Variants in PCDH9 observed in about 807,000 individuals in gnomAD.
PCDH9 encodes the protein protocadherin-9.
In PCDH9, 24 loss-of-function variants were observed where a neutral mutation model predicts 70.6. That is an observed-to-expected ratio of 0.34 (90% CI 0.25 to 0.48). The LOEUF (loss-of-function observed/expected upper bound fraction) is 0.48, where lower values mean the gene tolerates loss of function less well. Among genes scored for constraint, PCDH9 ranks in the 20% least tolerant of loss-of-function variants. PCDH9 has a pLI of 0.99. For synonymous variants in PCDH9, 562 were observed against 558.5 expected (o/e 1.01, Z -0.09); for missense variants, 1,281 against 1,503.6 (o/e 0.85, Z 2.45).
intron 3 of PCDH9, among the ~76,000 whole-genome samples, chr13:66,896,719 T>C (rs1334921675): frequency 6.6e-6 from 1 of 152,188 alleles, no homozygotes; most frequent in Non-Finnish European, 1.5e-5. Context: ...GTTTAGATAC[T>C]ATACTAAGAA....
In PCDH9 at chr13:67,166,563, A is replaced by G. The variant is rs538251031; in HGVS notation, c.3036+58842T>C. The stretch of plus-strand genomic sequence containing the variant: ...AATTTGGTAACTGTTTCAATTTGGT[A>G]ACACAACATAATTGATATTTTCTGT... On this transcript the variant is annotated intron_variant, in intron 2 of 4. Transcript: ENST00000377865. 2.0e-4 allele frequency among the ~76,000 whole-genome samples: 31 copies of G among 152,334 alleles called. No homozygotes were observed. In the South Asian group the frequency reaches 5.2e-3, roughly 25 times the overall value.
intron 2 of PCDH9, among the ~76,000 whole-genome samples, chr13:66,932,802 C>A (rs9317624): frequency 0.47 from 70,685 of 149,974 alleles, 17,213 homozygotes; most frequent in African/African-American, 0.6. Context: ...AATACAGTAT[C>A]ATCATAGTGA....
intron 4 of PCDH9, among the ~76,000 whole-genome samples, chr13:66,516,393 T>C (rs1230763887): frequency 4.6e-5 from 7 of 152,192 alleles, no homozygotes; most frequent in Non-Finnish European, 1.5e-5. Context: ...TATCTTGCTA[T>C]GTAAACACAG....
chr13:66,980,200 G>A (rs913747811), intron 2 of PCDH9, among the ~76,000 whole-genome samples: 10 of 151,018 alleles, frequency 6.6e-5, no homozygotes, highest in African/African-American at 9.8e-5. Context: ...GGCAAAACTC[G>A]TTTTCATTTA....
At chr13:67,122,052 T>C (rs1349401043) in intron 2 of PCDH9, among the ~76,000 whole-genome samples, 1 of 152,208 alleles carries the variant, frequency 6.6e-6, no homozygotes, top group African/African-American at 2.4e-5. Flanking sequence ...TCTTTTTTCC[T>C]TATTTATGAA....
chr13:66,727,415 T>G (rs935573065), intron 3 of PCDH9, among the ~76,000 whole-genome samples: 1 of 152,176 alleles, frequency 6.6e-6, no homozygotes, highest in African/African-American at 2.4e-5. Flanking sequence ...CATTGTTCAT[T>G]GCCTATCTTT....
At chr13:67,179,307 ATT>A (rs1378213542) in intron 2 of PCDH9, among the ~76,000 whole-genome samples, 1 of 152,088 alleles carries the variant, frequency 6.6e-6, no homozygotes, top group Non-Finnish European at 1.5e-5. Context: ...CCATGTAGAA[ATT>A]TTATTCTTTT....
intron 4 of PCDH9, among the ~76,000 whole-genome samples, chr13:66,315,084 T>C (rs1287648689): frequency 6.6e-6 from 1 of 152,138 alleles, no homozygotes; most frequent in Non-Finnish European, 1.5e-5. Context: ...AGGGACTGAA[T>C]AAAAATGATG....
intron 2 of PCDH9, among the ~76,000 whole-genome samples, chr13:66,953,190 C>T (rs2083211978): frequency 6.6e-6 from 1 of 151,486 alleles, no homozygotes; most frequent in South Asian, 2.1e-4. Flanking sequence ...ATGTTAGAGG[C>T]ACTAGTCCAT....
chr13:66,866,780 G>C (rs775983091), intron 3 of PCDH9, among the ~76,000 whole-genome samples: 7 of 152,216 alleles, frequency 4.6e-5, no homozygotes, highest in Admixed American at 1.3e-4. Flanking sequence ...CTGGGAGACA[G>C]AGCGAGATTC....
intron 2 of PCDH9, among the ~76,000 whole-genome samples, chr13:67,161,351 G>A (rs896446954): frequency 3.9e-5 from 6 of 152,204 alleles, no homozygotes; most frequent in Non-Finnish European, 7.3e-5. Context: ...AGCCTCAGAA[G>A]AGTGTCGGGC....
At chr13:66,881,533 G>A (rs1250319308) in intron 3 of PCDH9, among the ~76,000 whole-genome samples, 4 of 152,116 alleles carry the variant, frequency 2.6e-5, no homozygotes, top group Non-Finnish European at 5.9e-5. Context: ...GGAATTATGG[G>A]AGCTACAAGA....
chr13:66,417,870 A>T (rs1444936769), intron 4 of PCDH9, among the ~76,000 whole-genome samples: 1 of 152,076 alleles, frequency 6.6e-6, no homozygotes, highest in Non-Finnish European at 1.5e-5. Context: ...TTTTTCTTGT[A>T]AATTTGTTTA....
chr13:66,591,806 AG>A (rs1295510128), intron 4 of PCDH9, among the ~76,000 whole-genome samples: 6 of 151,586 alleles, frequency 4.0e-5, no homozygotes, highest in Admixed American at 1.3e-4. Context: ...GCAGGTTGGG[AG>A]GGGGGGCTCA....
At chr13:66,989,856 T>C (rs987124984) in intron 2 of PCDH9, among the ~76,000 whole-genome samples, 1 of 151,840 alleles carries the variant, frequency 6.6e-6, no homozygotes, top group Non-Finnish European at 1.5e-5. Flanking sequence ...GTATATTTCC[T>C]CACACTAACA....
chr13:66,898,229 G>A (rs780183741), intron 3 of PCDH9, among the ~76,000 whole-genome samples: 1 of 151,910 alleles, frequency 6.6e-6, no homozygotes. Flanking sequence ...ATTTTAATAT[G>A]TTAGGAGTTA....
intron 4 of PCDH9, among the ~76,000 whole-genome samples, chr13:66,535,568 A>G (rs1960662372): frequency 6.6e-6 from 1 of 152,114 alleles, no homozygotes. Flanking sequence ...TTATATATAA[A>G]GTATCAATTT....
At chr13:67,030,966 A>G (rs1177541452) in intron 2 of PCDH9, among the ~76,000 whole-genome samples, 2 of 152,322 alleles carry the variant, frequency 1.3e-5, no homozygotes, top group East Asian at 3.9e-4. Context: ...TAGACTAACT[A>G]GCCCTATAAC....
At chr13:66,672,306 T>C (rs919375792) in intron 3 of PCDH9, among the ~76,000 whole-genome samples, 6 of 152,194 alleles carry the variant, frequency 3.9e-5, no homozygotes, top group African/African-American at 1.4e-4. Context: ...GGGAGGTCCA[T>C]CAAAGCAATG....
Sources: gnomAD v4.1 joint callset for allele counts (sites outside exome capture counted in the v4.1 genomes callset) on GRCh38, gnomAD v4.1.1 for gene constraint, MANE v1.5 for transcripts, NCBI Gene and HGNC (gene_info 2026-07-23, HGNC 2026-07-21) for gene names.